Variants in CLEC5A observed in about 807,000 individuals in gnomAD.
CLEC5A encodes the protein C-type lectin domain containing 5A, also known as C-type lectin domain family 5 member A.
In CLEC5A, 15 loss-of-function variants were observed where a neutral mutation model predicts 24.4. That is an observed-to-expected ratio of 0.62 (90% CI 0.41 to 0.95). The LOEUF (loss-of-function observed/expected upper bound fraction) is 0.95. Ranked by LOEUF, CLEC5A falls within the 40% of genes least tolerant of loss-of-function variation. The pLI is 0.00. For missense variants in CLEC5A, 211 were observed against 224.0 expected (o/e 0.94, Z 0.37); for synonymous variants, 71 against 72.6 (o/e 0.98, Z 0.11).
chr7:141,942,729 GA>G (rs1350896448), intron 4 of CLEC5A, among the ~76,000 whole-genome samples: 70 of 151,644 alleles, frequency 4.6e-4, no homozygotes, highest in African/African-American at 1.5e-3. Flanking sequence ...AACTGTATAG[GA>G]AAAAAAATCT....
chr7:141,945,580 C>A (rs1563078332), intron 2 of CLEC5A, among the ~76,000 whole-genome samples, 180 bp from the exon 3 acceptor site: 1 of 152,114 alleles, frequency 6.6e-6, no homozygotes, highest in Non-Finnish European at 1.5e-5. Context: ...ATTCATATTT[C>A]TGTCCTGCTG....
chr7:141,944,764 C>T (rs1802903052), intron 3 of CLEC5A, among the ~76,000 whole-genome samples: 1 of 152,184 alleles, frequency 6.6e-6, no homozygotes, highest in East Asian at 1.9e-4. Context: ...TTGGCATTCA[C>T]TTTTTATTTC....
At chr7:141,940,588 A>G (rs184351348) in intron 4 of CLEC5A, among the ~76,000 whole-genome samples, 1 of 152,054 alleles carries the variant, frequency 6.6e-6, no homozygotes, top group Non-Finnish European at 1.5e-5. Flanking sequence ...AGATCAAAGC[A>G]GAAATAAATT....
At chr7:141,944,007 C>A (rs1554441878) in intron 3 of CLEC5A, 43 bp from the exon 4 acceptor site, 1 of 1,182,294 alleles carries the variant, frequency 8.5e-7, no homozygotes. Flanking sequence ...ATGATGAATA[C>A]AACACAGAAA....
In CLEC5A at chr7:141,931,840, A is replaced by C. The variant is rs782716381; in HGVS notation, c.346-14T>G. ...CTGAAGAAACTTCTGGAAATAAAAA[A>C]AAAATTTTACCAGTGAGTCTTTTAA... On this transcript the variant is annotated splice_polypyrimidine_tract_variant and intron_variant, in intron 5 of 6. Transcript: ENST00000546910. The C allele has an allele frequency of 6.6e-5, 89 of 1,357,628 alleles. No homozygotes were observed. The highest frequency in any genetic ancestry group is 9.1e-5 in the Non-Finnish European group (88 of 964,574). 84.1% of individuals were successfully genotyped at this position (1,357,628 alleles called of 1,614,324 possible). A position where few individuals can be genotyped will look rare whatever the true frequency, so the allele number is the denominator to read the frequency against.
rs540284674 is a variant in CLEC5A, at chr7:141,935,723, C to T, written c.345+91G>A. On this transcript the variant is annotated intron_variant, in intron 5 of 6. Coordinates refer to ENST00000546910, the MANE Select transcript of CLEC5A (RefSeq NM_013252.3). Reference sequence around the variant, plus strand: ...GCCACCTCTCCATTCCTCACTCCATCCCATCCCCACTCCCCCAAGTTTCTA... The same window carrying T: ...GCCACCTCTCCATTCCTCACTCCATTCCATCCCCACTCCCCCAAGTTTCTA... 1.1e-4 allele frequency: 114 copies of T among 1,084,062 alleles called. 1 individual carries two copies. The South Asian group carries it at 1.4e-3, about 14-fold the overall frequency. 67.2% of individuals were successfully genotyped at this position (1,084,062 alleles called of 1,614,324 possible).
At position 141,942,066 on chromosome 7, in the gene CLEC5A, C is replaced by T. The variant is rs113879252; in HGVS notation, c.208+1830G>A. On this transcript the variant is annotated intron_variant, in intron 4 of 6. Coordinates refer to ENST00000546910, the MANE Select transcript of CLEC5A (RefSeq NM_013252.3). ...AACCCAATGACATTATTCACAGAAACAGAAAAAATTATCGTAAAATGTACA... is the reference window on the plus strand; with the variant it reads ...AACCCAATGACATTATTCACAGAAATAGAAAAAATTATCGTAAAATGTACA... Among the ~76,000 whole-genome samples, 662 of 152,038 alleles carry T rather than the reference C, an allele frequency of 4.4e-3. 5 individuals carry two copies. The highest frequency in any genetic ancestry group is 0.015 in the African/African-American group (636 of 41,526).
rs564782128 is a variant in CLEC5A at position 141,931,702 on chromosome 7, T to G, written c.452+18A>C. ...AAGCAAACCAAGATCCCCAGGAAACTGTGGCATGTTCACGTACTTGCCATT... is the reference window on the plus strand; with the variant it reads ...AAGCAAACCAAGATCCCCAGGAAACGGTGGCATGTTCACGTACTTGCCATT... On this transcript the variant is annotated intron_variant, in intron 6 of 6. Transcript: ENST00000546910. The G allele has an allele frequency of 2.3e-6, 3 of 1,329,684 alleles. No individual in the cohort carries two copies. The highest frequency in any genetic ancestry group is 1.7e-5 in the Admixed American group (1 of 59,596). 82.4% of individuals were successfully genotyped at this position (1,329,684 alleles called of 1,614,324 possible).
Position 141,929,814 on chromosome 7 carries a change from TA to T in CLEC5A, c.*289del, listed in dbSNP as rs1802396114. The T allele has an allele frequency of 7.4e-5, 22 of 298,896 alleles. No individual in the cohort carries two copies. The South Asian group carries it at 1.0e-3, about 14-fold the overall frequency. The allele number at this position is 298,896 out of a possible 1,614,324, so 18.5% of individuals were successfully genotyped here. On this transcript the variant is annotated 3_prime_UTR_variant, in exon 7 of 7. Transcript: ENST00000546910. ...AGTATGGTATACTCTGAGGCTAAAA[TA>T]AAACAAACCCTGTCAACAGACTAGG...
chr7:141,929,886 C>T lies in CLEC5A; in HGVS notation c.*218G>A. The stretch of plus-strand genomic sequence containing the variant: ...TGCTCAGTACTACAGAAGCGGACCT[C>T]ATCTCTATACTAACTGAGTTGTTTC... On this transcript the variant is annotated 3_prime_UTR_variant, in exon 7 of 7. Coordinates refer to ENST00000546910, the MANE Select transcript of CLEC5A (RefSeq NM_013252.3). 1.9e-6 allele frequency: 1 copy of T among 516,896 alleles called. No homozygotes were observed. The highest frequency in any genetic ancestry group is 3.4e-5 in the East Asian group (1 of 29,256). The allele number at this position is 516,896 out of a possible 1,614,324, so 32.0% of individuals were successfully genotyped here.
rs1353412262 is a variant in CLEC5A, at chr7:141,929,468, T to C, written c.*636A>G. Reference sequence around the variant, plus strand: ...TGCTGAAGAACAGAAATCTAGTGTGTTTGGCTCCCTTGGCTGCCTGGTTTT... The same window carrying C: ...TGCTGAAGAACAGAAATCTAGTGTGCTTGGCTCCCTTGGCTGCCTGGTTTT... On this transcript the variant is annotated 3_prime_UTR_variant, in exon 7 of 7. Transcript: ENST00000546910. 1 of 152,358 alleles carries C rather than the reference T, an allele frequency of 6.6e-6. No homozygotes were observed. The highest frequency in any genetic ancestry group is 1.9e-4 in the East Asian group (1 of 5,174). The allele number at this position is 152,358 out of a possible 1,614,324, so 9.4% of individuals were successfully genotyped here. A position where few individuals can be genotyped will look rare whatever the true frequency, so the allele number is the denominator to read the frequency against.
chr7:141,944,095 C>T, intron 3 of CLEC5A, 131 bp from the exon 4 acceptor site: 1 of 587,116 alleles, frequency 1.7e-6, no homozygotes, highest in Middle Eastern at 3.2e-4. Flanking sequence ...TGAGCTAGAA[C>T]ATTTCAAATA....
chr7:141,942,074 A>C (rs1424479473), intron 4 of CLEC5A, among the ~76,000 whole-genome samples: 1 of 152,140 alleles, frequency 6.6e-6, no homozygotes, highest in African/African-American at 2.4e-5. Flanking sequence ...AACAGAAAAA[A>C]TTATCGTAAA....
At chr7:141,937,571 C>G (rs1314874392) in intron 4 of CLEC5A, among the ~76,000 whole-genome samples, 1 of 152,198 alleles carries the variant, frequency 6.6e-6, no homozygotes, top group Non-Finnish European at 1.5e-5. Context: ...AAGATAGCAT[C>G]TCCAGACCTA....
rs139367147 is a variant in CLEC5A at position 141,931,737 on chromosome 7, G to A, written c.435C>T (p.Asn145=). ...REEKRWRWIN[N]SVFNGNVTNQ... ...TCACGTACTTGCCATTGAACACAGA[G>A]TTGTTGATCCAACGCCACCTTTTCT... The change falls in exon 6 of 7, where the codon AAC becomes AAT. Residue 145 remains asparagine (N), a synonymous_variant. Transcript: ENST00000546910. The A allele has an allele frequency of 4.2e-5, 67 of 1,580,408 alleles. No individual in the cohort carries two copies. Among genetic ancestry groups the A allele is most frequent in the Non-Finnish European group, 5.0e-5 (58 of 1,149,504 alleles).
In CLEC5A at chr7:141,945,336, A is replaced by G. The variant is rs2128962862; in HGVS notation, c.139+5T>C. 2 of 1,604,046 alleles carry G rather than the reference A, an allele frequency of 1.2e-6. No individual in the cohort carries two copies. Among genetic ancestry groups the G allele is most frequent in the Non-Finnish European group, 1.7e-6 (2 of 1,170,860 alleles). On this transcript the variant is annotated splice_donor_5th_base_variant and intron_variant, in intron 3 of 6. Transcript: ENST00000546910. Reference sequence around the variant, plus strand: ...GGGGAGAAGATTTACCACCATGCAGATTACCTGTTCCATAGCTCCTGGTGG... The same window carrying G: ...GGGGAGAAGATTTACCACCATGCAGGTTACCTGTTCCATAGCTCCTGGTGG...
intron 2 of CLEC5A, 54 bp downstream of exon 2, chr7:141,946,160 G>T: frequency 2.0e-6 from 3 of 1,524,096 alleles, no homozygotes; most frequent in South Asian, 2.4e-5. Context: ...TGAGAGAAGA[G>T]TCAATGAGCA....
intron 5 of CLEC5A, 49 bp from the exon 6 acceptor site, chr7:141,931,875 T>C: frequency 4.9e-6 from 4 of 815,978 alleles, no homozygotes; most frequent in Non-Finnish European, 8.1e-6. Flanking sequence ...ATGATGCCTC[T>C]CTTGAGCCAA....
intron 2 of CLEC5A, 91 bp from the exon 3 acceptor site, chr7:141,945,491 C>G: frequency 2.3e-6 from 2 of 881,104 alleles, no homozygotes. Flanking sequence ...TGCTAGGGTA[C>G]TGTGACTATT....
Sources: gnomAD v4.1 joint callset for allele counts (sites outside exome capture counted in the v4.1 genomes callset) on GRCh38, gnomAD v4.1.1 for gene constraint, MANE v1.5 for transcripts, NCBI Gene and HGNC (gene_info 2026-07-23, HGNC 2026-07-21) for gene names.